The following CYSLTR1 variants were observed in gnomAD, a reference collection of about 807,000 sequenced individuals.
CYSLTR1 encodes cysteinyl leukotriene receptor 1.
A neutral mutation model predicts 2.1 loss-of-function variants in CYSLTR1; 1 was observed. The ratio of observed to expected loss-of-function variants is 0.48; its 90% CI spans 0.17 to 2.28. The LOEUF is 2.28. Ranked by LOEUF, CYSLTR1 falls within the 30% of genes most tolerant of loss-of-function variation. CYSLTR1 has a pLI of 0.26. For missense variants in CYSLTR1, 299 were observed against 250.1 expected, an observed-to-expected ratio of 1.20 and a Z score of -1.32; for synonymous variants, 110 against 89.6, an observed-to-expected ratio of 1.23 and a Z score of -1.28.
In CYSLTR1 at chrX:78,274,252, G is replaced by A. The variant is rs192783091; in HGVS notation, c.-27-479C>T. ...TTGGCTCCCAAAAAGAGCCCACATCGCCAAATCAATCCTAAGCCAAAAGAA... is the reference window on the plus strand; with the variant it reads ...TTGGCTCCCAAAAAGAGCCCACATCACCAAATCAATCCTAAGCCAAAAGAA... On this transcript the variant is annotated intron_variant, in intron 2 of 2. Coordinates refer to ENST00000373304, the MANE Select transcript of CYSLTR1 (RefSeq NM_006639.4). Among the ~76,000 whole-genome samples, 84 of 111,076 alleles carry A rather than the reference G, an allele frequency of 7.6e-4. 1 individual carries two copies. The Middle Eastern group carries it at 0.014, about 18-fold the overall frequency.
intron 2 of CYSLTR1, among the ~76,000 whole-genome samples, chrX:78,274,794 C>A (rs1483503138): frequency 9.0e-6 from 1 of 110,877 alleles, no homozygotes; most frequent in Non-Finnish European, 1.9e-5. Flanking sequence ...AACAGGCAAC[C>A]TACAGAATGG....
chrX:78,326,546 T>G (rs1923867283), intron 1 of CYSLTR1, among the ~76,000 whole-genome samples: 1 of 112,131 alleles, frequency 8.9e-6, no homozygotes, highest in African/African-American at 3.2e-5. Flanking sequence ...GAAAACAGCC[T>G]TTTTTGTCGC....
At chrX:78,288,895 G>C (rs925332642) in intron 1 of CYSLTR1, among the ~76,000 whole-genome samples, 18 of 109,340 alleles carry the variant, frequency 1.6e-4, no homozygotes, top group African/African-American at 6.0e-4. Context: ...CCTTTCAACT[G>C]TCTATATCCA....
chrX:78,278,216 A>G (rs1052992660), intron 2 of CYSLTR1, among the ~76,000 whole-genome samples: 2 of 111,962 alleles, frequency 1.8e-5, no homozygotes, highest in African/African-American at 6.5e-5. Context: ...ACTCAGTCAG[A>G]CAAAAATAAG....
chrX:78,315,335 C>G (rs1294533188), intron 1 of CYSLTR1, among the ~76,000 whole-genome samples: 1 of 110,839 alleles, frequency 9.0e-6, no homozygotes, highest in East Asian at 2.9e-4. Flanking sequence ...ATTCCAAGCT[C>G]TGGTGGCTGA....
rs200917393 is a variant in CYSLTR1, at chrX:78,272,725, G to C, written c.*8C>G. On this transcript the variant is annotated 3_prime_UTR_variant, in exon 3 of 3. Coordinates refer to ENST00000373304, the MANE Select transcript of CYSLTR1 (RefSeq NM_006639.4). ...TTTTCATTGGTTTGGACTGGAAATG[G>C]GTTTAAACTATACTTTACATATTTC... The C allele has an allele frequency of 1.0e-5, 12 of 1,155,310 alleles. No homozygotes were observed. The highest frequency in any genetic ancestry group is 2.4e-4 in the Middle Eastern group (1 of 4,127).
chrX:78,299,647 A>G (rs957812047), intron 1 of CYSLTR1, among the ~76,000 whole-genome samples: 2 of 111,447 alleles, frequency 1.8e-5, no homozygotes, highest in Non-Finnish European at 3.8e-5. Flanking sequence ...ACTGAAAAGT[A>G]TGCTGCCAGA....
intron 1 of CYSLTR1, among the ~76,000 whole-genome samples, chrX:78,314,919 C>A (rs1923353435): frequency 9.2e-6 from 1 of 108,492 alleles, no homozygotes; most frequent in African/African-American, 3.4e-5. Flanking sequence ...AGCATGTGAC[C>A]TACAGAGACA....
chrX:78,274,882 GA>G (rs1234726838), intron 2 of CYSLTR1, among the ~76,000 whole-genome samples: 1 of 110,833 alleles, frequency 9.0e-6, no homozygotes, highest in Non-Finnish European at 1.9e-5. Context: ...AAATGTACAA[GA>G]AAAAAACAAA....
intron 1 of CYSLTR1, among the ~76,000 whole-genome samples, chrX:78,303,874 A>G (rs772287878): frequency 4.5e-5 from 5 of 111,751 alleles, no homozygotes; most frequent in Admixed American, 9.5e-5. Flanking sequence ...ATAGGGCTTG[A>G]ATTATATGAT....
At chrX:78,289,270 A>G (rs1036952543) in intron 1 of CYSLTR1, among the ~76,000 whole-genome samples, 1 of 111,260 alleles carries the variant, frequency 9.0e-6, no homozygotes, top group African/African-American at 3.3e-5. Context: ...AGCTTCATCC[A>G]TGTCCCTGCA....
At chrX:78,285,293 C>T (rs62612795) in intron 1 of CYSLTR1, among the ~76,000 whole-genome samples, 2,142 of 109,619 alleles carry the variant, frequency 0.02, 26 homozygotes, top group Middle Eastern at 0.047. Flanking sequence ...TGGTGGCGGG[C>T]GCCTTTAGTC....
At position 78,291,431 on chromosome X, in the gene CYSLTR1, T is replaced by A. The variant is rs571819912; in HGVS notation, c.-114-7891A>T. 1.4e-4 allele frequency among the ~76,000 whole-genome samples: 16 copies of A among 110,639 alleles called. No individual in the cohort carries two copies. The South Asian group carries it at 5.0e-3, about 34-fold the overall frequency. ...GTCTAAAAATCTTTTTTTCTTTTTT[T>A]TTGTCTCTCTGCCAGGCTTTGGTAT... On this transcript the variant is annotated intron_variant, in intron 1 of 2. Transcript: ENST00000373304.
intron 2 of CYSLTR1, among the ~76,000 whole-genome samples, chrX:78,278,278 T>C (rs1921686711): frequency 9.0e-6 from 1 of 110,933 alleles, no homozygotes; most frequent in South Asian, 3.8e-4. Flanking sequence ...ATTATGTAAA[T>C]AGACTGAACC....
At chrX:78,289,074 AT>A (rs1421358437) in intron 1 of CYSLTR1, among the ~76,000 whole-genome samples, 2 of 109,872 alleles carry the variant, frequency 1.8e-5, no homozygotes, top group African/African-American at 6.6e-5. Context: ...TCAACTCATC[AT>A]TTACATTAGG....
chrX:78,289,177 T>C (rs746928363), intron 1 of CYSLTR1, among the ~76,000 whole-genome samples: 2 of 108,480 alleles, frequency 1.8e-5, no homozygotes, highest in South Asian at 8.5e-4. Context: ...AGTGTTCTCA[T>C]TGTTTGGTTC....
intron 1 of CYSLTR1, among the ~76,000 whole-genome samples, chrX:78,315,008 C>T (rs1923359689): frequency 1.9e-5 from 2 of 104,459 alleles, no homozygotes. Flanking sequence ...AAATAGATGC[C>T]TTCCTTCTGC....
chrX:78,320,448 C>A (rs754948952), intron 1 of CYSLTR1: 1 of 109,578 alleles, frequency 9.1e-6, no homozygotes, highest in Non-Finnish European at 1.9e-5. Context: ...TCTGAGGGCT[C>A]TGTTCTGTTC....
intron 1 of CYSLTR1, among the ~76,000 whole-genome samples, chrX:78,300,933 A>G (rs192126142): frequency 1.8e-3 from 199 of 112,621 alleles, no homozygotes; most frequent in African/African-American, 6.3e-3. Context: ...GGAGGTTTCC[A>G]AACCTCAATT....
Sources: allele counts gnomAD v4.1 joint callset (sites outside exome capture counted in the v4.1 genomes callset), GRCh38; gene constraint gnomAD v4.1.1; transcripts MANE v1.5; gene names NCBI Gene and HGNC (gene_info 2026-07-23, HGNC 2026-07-21).